Variants in TDRD15 observed in about 807,000 individuals in gnomAD.
TDRD15 encodes the protein tudor domain containing 15.
For missense variants in TDRD15, 1,416 were observed against 904.7 expected (o/e 1.57, Z -7.25); for synonymous variants, 503 against 314.5 (o/e 1.60, Z -6.34).
At chr2:21,146,910 G>A (rs1041695953), downstream of TDRD15, among the ~76,000 whole-genome samples, 2 of 152,050 alleles carry the variant, frequency 1.3e-5, no homozygotes, top group African/African-American at 4.8e-5. Flanking sequence ...AACTCCCTGA[G>A]TGTGAATATT....
rs867409474 is a variant in TDRD15 at position 21,144,032 on chromosome 2, C to A, written c.*760C>A. On this transcript the variant is annotated 3_prime_UTR_variant, in exon 4 of 4. Coordinates refer to ENST00000405799, the MANE Select transcript of TDRD15 (RefSeq NM_001306137.2). Reference sequence around the variant, plus strand: ...CTTGCTATTATTAGTGAGCTTCCTGCGCTTATTTTGAAGAATCATTTTTCT... The same window carrying A: ...CTTGCTATTATTAGTGAGCTTCCTGAGCTTATTTTGAAGAATCATTTTTCT... Among the ~76,000 whole-genome samples the A allele has an allele frequency of 1.3e-5, 2 of 151,558 alleles. No homozygotes were observed. The highest frequency in any genetic ancestry group is 6.6e-5 in the Admixed American group (1 of 15,160).
rs898454607 is a variant in TDRD15 at position 21,139,994 on chromosome 2, A to G, written c.2527A>G (p.Ile843Val). 5.6e-6 allele frequency: 4 copies of G among 715,896 alleles called. No individual in the cohort carries two copies. The highest frequency in any genetic ancestry group is 2.0e-5 in the Admixed American group (1 of 49,910). 44.3% of individuals were successfully genotyped at this position (715,896 alleles called of 1,614,324 possible). Reference sequence around the variant, plus strand: ...TTATGGTTACCAAAAAAGGGTTTTAATTGAAGATCTTTGTGCAATTAACCC... The same window carrying G: ...TTATGGTTACCAAAAAAGGGTTTTAGTTGAAGATCTTTGTGCAATTAACCC... ...VDYGYQKRVL[I>V]EDLCAINPRF... is the part of the protein sequence containing the mutation. The change falls in exon 4 of 4, where the codon ATT becomes GTT. Residue 843 changes from isoleucine (I) to valine (V), a missense_variant. By Grantham distance (29) the Ile-to-Val change is conservative (BLOSUM62 3). Coordinates refer to ENST00000405799, the MANE Select transcript of TDRD15 (RefSeq NM_001306137.2).
chr2:21,132,953 C>T (rs988570751), intron 2 of TDRD15, among the ~76,000 whole-genome samples: 1 of 152,068 alleles, frequency 6.6e-6, no homozygotes, highest in African/African-American at 2.4e-5. Context: ...TCCCTGGCTT[C>T]TACCCACTAG....
chr2:21,141,428 A>C lies in TDRD15; in HGVS notation c.3961A>C (p.Ile1321Leu). The C allele has an allele frequency of 1.4e-6, 1 of 713,412 alleles. No individual in the cohort carries two copies. Among genetic ancestry groups the C allele is most frequent in the Non-Finnish European group, 2.6e-6 (1 of 383,128 alleles). 44.2% of individuals were successfully genotyped at this position (713,412 alleles called of 1,614,324 possible). A position where few individuals can be genotyped will look rare whatever the true frequency, so the allele number is the denominator to read the frequency against. ...TCAGCTTGCTGAGAATGAAAGTGTA[A>C]TTATCAGACTTGCTGATGCTCTAAA... Reference protein sequence around the residue: ...HIQLAENESVIIRLADALNAT... With the variant: ...HIQLAENESVLIRLADALNAT... The change falls in exon 4 of 4, where the codon ATT (isoleucine) becomes CTT (leucine). Residue 1321 changes from isoleucine to leucine, a missense_variant. Ile to Leu is a conservative substitution (Grantham distance 5). Coordinates refer to ENST00000405799, the MANE Select transcript of TDRD15 (RefSeq NM_001306137.2).
At chr2:21,132,241 G>A (rs1665733133) in intron 2 of TDRD15, among the ~76,000 whole-genome samples, 1 of 152,096 alleles carries the variant, frequency 6.6e-6, no homozygotes, top group African/African-American at 2.4e-5. Flanking sequence ...GGTGGTGATG[G>A]TTAGCTCTGT....
chr2:21,143,399 A>G lies in TDRD15; in HGVS notation c.*127A>G. On this transcript the variant is annotated 3_prime_UTR_variant, in exon 4 of 4. Transcript: ENST00000405799. ...ACAAAGAGGAAAGATGTCTGTAAGA[A>G]CCTCTTAAGGAAAATTCGTATTAGT... 6.4e-6 allele frequency: 3 copies of G among 466,534 alleles called. No homozygotes were observed. The highest frequency in any genetic ancestry group is 4.6e-5 in the South Asian group (1 of 21,880). 28.9% of individuals were successfully genotyped at this position (466,534 alleles called of 1,614,324 possible). A position where few individuals can be genotyped will look rare whatever the true frequency, so the allele number is the denominator to read the frequency against.
intron 2 of TDRD15, among the ~76,000 whole-genome samples, chr2:21,128,888 C>T (rs1399586008): frequency 4.0e-5 from 6 of 151,172 alleles, no homozygotes; most frequent in Non-Finnish European, 8.8e-5. Flanking sequence ...AAATCACTGT[C>T]ACTTAATATA....
intron 3 of TDRD15, among the ~76,000 whole-genome samples, 166 bp downstream of exon 3, chr2:21,135,013 A>T (rs1665781503): frequency 6.8e-6 from 1 of 146,956 alleles, no homozygotes. Context: ...GTATTTATAT[A>T]TAAATTGTGT....
At chr2:21,128,052 C>G (rs1665633766) in intron 2 of TDRD15, among the ~76,000 whole-genome samples, 1 of 152,100 alleles carries the variant, frequency 6.6e-6, no homozygotes, top group South Asian at 2.1e-4. Flanking sequence ...GTGAGGACTT[C>G]AAGATTAATG....
chr2:21,135,382 G>T (rs1041164227), intron 3 of TDRD15, among the ~76,000 whole-genome samples: 2 of 151,696 alleles, frequency 1.3e-5, no homozygotes, highest in Admixed American at 6.6e-5. Context: ...ACATCCACAG[G>T]ATAGGTTATG....
rs2103448372 is a variant in TDRD15, at chr2:21,142,821, C to A, written c.5354C>A (p.Ser1785Tyr). 1 of 714,874 alleles carries A rather than the reference C, an allele frequency of 1.4e-6. No homozygotes were observed. Among genetic ancestry groups the A allele is most frequent in the Middle Eastern group, 2.3e-4 (1 of 4,356 alleles). The allele number at this position is 714,874 out of a possible 1,614,324, so 44.3% of individuals were successfully genotyped here. Residue 1785 changes from serine (S) to tyrosine (Y), a missense_variant, in exon 4 of 4, where the codon TCT (serine) becomes TAT (tyrosine). Ser to Tyr is a moderately radical substitution (Grantham distance 144, BLOSUM62 -2). Coordinates refer to ENST00000405799, the MANE Select transcript of TDRD15 (RefSeq NM_001306137.2). ...CCTCAGGAGTTCATAATTCCCGGTT[C>A]TAGTTGTTTGTTCAAATATAAATCG... ...TLPQEFIIPG[S>Y]SCLFKYKSED...
In TDRD15 at chr2:21,143,850, G is replaced by A. The variant is rs1436943244; in HGVS notation, c.*578G>A. The stretch of plus-strand genomic sequence containing the variant: ...GAAGTGGCCACTACGATTTTAAAAC[G>A]TTGCTTCACTATCTTTACATTTTTT... On this transcript the variant is annotated 3_prime_UTR_variant, in exon 4 of 4. Coordinates refer to ENST00000405799, the MANE Select transcript of TDRD15 (RefSeq NM_001306137.2). 1.3e-5 allele frequency among the ~76,000 whole-genome samples: 2 copies of A among 151,608 alleles called. No individual in the cohort carries two copies. The highest frequency in any genetic ancestry group is 3.0e-5 in the Non-Finnish European group (2 of 67,670).
In TDRD15 at chr2:21,137,901, A is replaced by G. The variant is rs1665840592; in HGVS notation, c.434A>G (p.Lys145Arg). ...KWSPKALNYF[K>R]SLVGIQVKGY... ...TCCCCTAAAGCTTTGAATTATTTCA[A>G]GTCATTAGTAGGAATACAAGTGAAA... The change falls in exon 4 of 4, where the codon AAG (lysine) becomes AGG (arginine). Residue 145 changes from lysine to arginine, a missense_variant. Lys to Arg is a conservative substitution (Grantham distance 26). Transcript: ENST00000405799. 4.2e-6 allele frequency: 3 copies of G among 716,092 alleles called. No homozygotes were observed. In the African/African-American group the frequency reaches 5.3e-5, roughly 13 times the overall value. 44.4% of individuals were successfully genotyped at this position (716,092 alleles called of 1,614,324 possible).
intron 3 of TDRD15, 22 bp downstream of exon 3, chr2:21,134,869 A>G (rs1381925146): frequency 6.6e-6 from 1 of 151,374 alleles, no homozygotes; most frequent in East Asian, 1.9e-4. Flanking sequence ...CTGTGATATA[A>G]TAGTCTTCTA....
rs1374205877 is a variant in TDRD15, at chr2:21,138,460, T to C, written c.993T>C (p.Ala331=). 4.2e-6 allele frequency: 3 copies of C among 714,922 alleles called. No homozygotes were observed. The African/African-American group carries it at 5.3e-5, about 13-fold the overall frequency. 44.3% of individuals were successfully genotyped at this position (714,922 alleles called of 1,614,324 possible). Residue 331 remains alanine (A), a synonymous_variant, in exon 4 of 4, where the codon GCT becomes GCC. Coordinates refer to ENST00000405799, the MANE Select transcript of TDRD15 (RefSeq NM_001306137.2). ...TTATGGATTATGGCAGTAGCGAGGC[T>C]ATACCCTCAATTTATGTAAAGAAAC... is the stretch of plus-strand genomic sequence containing the variant. ...IWFMDYGSSE[A]IPSIYVKKLK...
At position 21,138,413 on chromosome 2, in the gene TDRD15, C is replaced by G. The variant is rs1489812967; in HGVS notation, c.946C>G (p.Pro316Ala). The G allele has an allele frequency of 1.1e-5, 8 of 715,518 alleles. No individual in the cohort carries two copies. The highest frequency in any genetic ancestry group is 6.0e-5 in the Admixed American group (3 of 49,808). The allele number at this position is 715,518 out of a possible 1,614,324, so 44.3% of individuals were successfully genotyped here. A position where few individuals can be genotyped will look rare whatever the true frequency, so the allele number is the denominator to read the frequency against. The stretch of plus-strand genomic sequence containing the variant: ...AGGAATTCTTCAGCAGCTCTTGCCC[C>G]CAAATCAAGTAAAAATTTGGTTTAT... ...HRGILQQLLPPNQVKIWFMDY... is the reference protein window; with the variant it reads ...HRGILQQLLPANQVKIWFMDY... The change falls in exon 4 of 4, where the codon CCA (proline) becomes GCA (alanine). Residue 316 changes from proline (P) to alanine (A), a missense_variant. Physicochemically the swap from Pro to Ala is conservative, Grantham distance 27. Coordinates refer to ENST00000405799, the MANE Select transcript of TDRD15 (RefSeq NM_001306137.2).
chr2:21,130,213 T>C (rs1198592953), intron 2 of TDRD15, among the ~76,000 whole-genome samples: 1 of 152,226 alleles, frequency 6.6e-6, no homozygotes, highest in Non-Finnish European at 1.5e-5. Flanking sequence ...AATTGACAGC[T>C]TTAGTTCTTA....
intron 3 of TDRD15, among the ~76,000 whole-genome samples, chr2:21,137,242 G>C (rs1384668010): frequency 6.6e-6 from 1 of 151,872 alleles, no homozygotes; most frequent in Non-Finnish European, 1.5e-5. Context: ...AAAAGTTTTT[G>C]TAATTATTTC....
intron 2 of TDRD15, among the ~76,000 whole-genome samples, chr2:21,131,540 A>G (rs897306684): frequency 5.9e-5 from 9 of 152,128 alleles, no homozygotes; most frequent in African/African-American, 2.2e-4. Flanking sequence ...TTCTCCAACT[A>G]CGTATCTGTG....
Sources: gnomAD v4.1 joint callset for allele counts (sites outside exome capture counted in the v4.1 genomes callset) on GRCh38, gnomAD v4.1.1 for gene constraint, MANE v1.5 for transcripts, NCBI Gene and HGNC (gene_info 2026-07-23, HGNC 2026-07-21) for gene names.